TTC21B: variants seen among roughly 807,000 people sequenced by gnomAD.
The protein encoded by TTC21B is tetratricopeptide repeat domain 21B.
In TTC21B, 127 loss-of-function variants were observed where a neutral mutation model predicts 175.1. The observed-to-expected ratio is 0.73, with a 90% CI of 0.63 to 0.84. TTC21B has a LOEUF of 0.84. Among genes scored for constraint, TTC21B ranks in the 40% least tolerant of loss-of-function variants. The pLI, the probability that TTC21B is intolerant of heterozygous loss-of-function variation, is 0.00. For missense variants in TTC21B, 1,561 were observed against 1,558.3 expected (o/e 1.00, Z -0.03); for synonymous variants, 524 against 524.5 (o/e 1.00, Z 0.01).
chr2:165,917,163 G>C, intron 14 of TTC21B, 94 bp downstream of exon 14: 8 of 1,208,532 alleles, frequency 6.6e-6, no homozygotes, highest in Non-Finnish European at 9.7e-6. Context: ...ACAGGTGTGA[G>C]CCACCATGCC....
chr2:165,927,282 A>AT lies in TTC21B; in HGVS notation c.1386+1852dup, dbSNP rs1559064813. 1.2e-3 allele frequency among the ~76,000 whole-genome samples: 118 copies of AT among 101,022 alleles called. 1 individual carries two copies. Among genetic ancestry groups the AT allele is most frequent in the Non-Finnish European group, 1.4e-3 (78 of 54,112 alleles). 66.3% of individuals were successfully genotyped at this position (101,022 alleles called of 152,430 possible). On this transcript the variant is annotated intron_variant, in intron 11 of 28. Transcript: ENST00000243344. ...TATATCCTAGTAGTTATATATATAT[A>AT]TATCCTAGTAGTTATATATATATAT...
chr2:165,898,156 C>T (rs1685434044), intron 22 of TTC21B, among the ~76,000 whole-genome samples: 1 of 152,112 alleles, frequency 6.6e-6, no homozygotes, highest in Non-Finnish European at 1.5e-5. Context: ...TGTCACAGCA[C>T]AGTTCCATGC....
In TTC21B at chr2:165,890,654, T is replaced by G; in HGVS notation, c.3102-14A>C. On this transcript the variant is annotated splice_polypyrimidine_tract_variant and intron_variant, in intron 23 of 28. Transcript: ENST00000243344. ...TCTCCAGTGTACCTTGTTAGATGTTTAAAAGAATTATTTATTTCAATCACT... is the reference window on the plus strand; with the variant it reads ...TCTCCAGTGTACCTTGTTAGATGTTGAAAAGAATTATTTATTTCAATCACT... 1.2e-6 allele frequency: 2 copies of G among 1,612,014 alleles called. No individual in the cohort carries two copies. The highest frequency in any genetic ancestry group is 1.7e-6 in the Non-Finnish European group (2 of 1,178,286).
chr2:165,951,647 G>C lies in TTC21B; in HGVS notation c.22-1923C>G, dbSNP rs1687765202. On this transcript the variant is annotated intron_variant, in intron 1 of 28. Transcript: ENST00000243344. Reference sequence around the variant, plus strand: ...TACCTAATGCTACTGCCTTGGTTCAGGTTAGGTTATTCAATCCAAAACATT... The same window carrying C: ...TACCTAATGCTACTGCCTTGGTTCACGTTAGGTTATTCAATCCAAAACATT... Among the ~76,000 whole-genome samples the C allele has an allele frequency of 2.6e-5, 4 of 152,232 alleles. No individual in the cohort carries two copies. The South Asian group carries it at 6.2e-4, about 24-fold the overall frequency.
chr2:165,941,998 A>G (rs1687385344), intron 5 of TTC21B, among the ~76,000 whole-genome samples: 2 of 152,240 alleles, frequency 1.3e-5, no homozygotes, highest in African/African-American at 4.8e-5. Flanking sequence ...AGCTATAAAT[A>G]TAGTTAGTAC....
At chr2:165,936,670 G>A (rs1687162229) in intron 6 of TTC21B, among the ~76,000 whole-genome samples, 1 of 151,956 alleles carries the variant, frequency 6.6e-6, no homozygotes, top group Non-Finnish European at 1.5e-5. Context: ...TACACAGACT[G>A]CAAATAAGCA....
intron 12 of TTC21B, among the ~76,000 whole-genome samples, chr2:165,921,462 G>A (rs1408692715): frequency 7.2e-5 from 11 of 152,084 alleles, no homozygotes; most frequent in Non-Finnish European, 8.8e-5. Flanking sequence ...TTGCTGATTT[G>A]GGTTAGTATC....
intron 12 of TTC21B, 22 bp downstream of exon 12, chr2:165,924,527 A>G: frequency 6.2e-7 from 1 of 1,610,450 alleles, no homozygotes; most frequent in Non-Finnish European, 8.5e-7. Flanking sequence ...AAAAGGTTAA[A>G]AGTTTTTAAG....
intron 26 of TTC21B, among the ~76,000 whole-genome samples, chr2:165,882,731 G>A (rs1277996925): frequency 2.0e-5 from 3 of 152,126 alleles, no homozygotes; most frequent in Non-Finnish European, 4.4e-5. Context: ...GCTGAATGAA[G>A]CTTCTAAAGC....
intron 6 of TTC21B, among the ~76,000 whole-genome samples, chr2:165,937,597 C>T (rs1263002430): frequency 6.6e-6 from 1 of 151,788 alleles, no homozygotes; most frequent in East Asian, 1.9e-4. Flanking sequence ...CTAAAACTAC[C>T]CTAAAAATAC....
In TTC21B at chr2:165,929,324, A is replaced by G. The variant is rs202198270; in HGVS notation, c.1197T>C (p.Tyr399=). 22 of 1,605,746 alleles carry G rather than the reference A, an allele frequency of 1.4e-5. No individual in the cohort carries two copies. The highest frequency in any genetic ancestry group is 1.6e-5 in the Non-Finnish European group (19 of 1,173,838). The change falls in exon 11 of 29, where the codon TAT becomes TAC. Residue 399 remains tyrosine, a synonymous_variant. Coordinates refer to ENST00000243344, the MANE Select transcript of TTC21B (RefSeq NM_024753.5). ...TCTTCATGGCAAGAACTGCATGTAAATAGATTAATTCCTAGAAAATAAGTA... is the reference window on the plus strand; with the variant it reads ...TCTTCATGGCAAGAACTGCATGTAAGTAGATTAATTCCTAGAAAATAAGTA... ...QSIGKSAELI[Y]LHAVLAMKKN...
At chr2:165,915,155 A>G (rs370043477) in intron 15 of TTC21B, 46 bp downstream of exon 15, 38 of 1,491,096 alleles carry the variant, frequency 2.5e-5, no homozygotes, top group Admixed American at 6.7e-5. Context: ...AATTAATACT[A>G]GTGGCTAAAT....
intron 25 of TTC21B, among the ~76,000 whole-genome samples, chr2:165,886,855 C>T (rs1316752428): frequency 6.6e-6 from 1 of 152,166 alleles, no homozygotes; most frequent in Non-Finnish European, 1.5e-5. Context: ...CCTAGAGATT[C>T]TCTTAGATGT....
At position 165,929,092 on chromosome 2, in the gene TTC21B, T is replaced by C. The variant is rs201923793; in HGVS notation, c.1386+43A>G. ...AACTTTTAAGTTCTTTCATAAAACA[T>C]CAAGTAAACGCATCCTTGAAAGTAA... On this transcript the variant is annotated intron_variant, in intron 11 of 28. Transcript: ENST00000243344. The C allele has an allele frequency of 1.1e-4, 178 of 1,574,608 alleles. No individual in the cohort carries two copies. In the East Asian group the frequency reaches 2.7e-3, roughly 24 times the overall value.
intron 25 of TTC21B, 112 bp downstream of exon 25, chr2:165,888,167 A>T: frequency 1.2e-6 from 1 of 865,074 alleles, no homozygotes; most frequent in Non-Finnish European, 1.8e-6. Context: ...AATTTTTAAT[A>T]AAAGTTAAGT....
At chr2:165,880,866 G>C (rs1684812899) in intron 26 of TTC21B, 67 bp from the exon 27 acceptor site, 2 of 1,501,750 alleles carry the variant, frequency 1.3e-6, no homozygotes, top group Admixed American at 3.5e-5. Context: ...GGATGTTTGT[G>C]ACTATAGAGG....
At chr2:165,923,746 T>TTTG (rs1206715570) in intron 12 of TTC21B, among the ~76,000 whole-genome samples, 1 of 144,178 alleles carries the variant, frequency 6.9e-6, no homozygotes, top group Admixed American at 7.4e-5. Context: ...CCAGCTGGTT[T>TTTG]TTTTTTTTTT....
At chr2:165,918,546 C>T (rs958995819) in intron 13 of TTC21B, among the ~76,000 whole-genome samples, 1 of 152,148 alleles carries the variant, frequency 6.6e-6, no homozygotes, top group East Asian at 1.9e-4. Context: ...CTGCCCACCT[C>T]GGCCTCCCAA....
chr2:165,902,259 A>T (rs1057457723), intron 19 of TTC21B, among the ~76,000 whole-genome samples: 11 of 152,222 alleles, frequency 7.2e-5, no homozygotes, highest in African/African-American at 2.7e-4. Flanking sequence ...GTTATATTGG[A>T]AGAATATCAG....
Sources: allele counts gnomAD v4.1 joint callset (sites outside exome capture counted in the v4.1 genomes callset), GRCh38; gene constraint gnomAD v4.1.1; transcripts MANE v1.5; gene names NCBI Gene and HGNC (gene_info 2026-07-23, HGNC 2026-07-21).